SRPK2: variants seen among roughly 807,000 people sequenced by gnomAD.
SRPK2 encodes SFRS protein kinase 2.
A neutral mutation model predicts 90.8 loss-of-function variants in SRPK2; 21 were observed. That is an observed-to-expected ratio of 0.23 (90% CI 0.16 to 0.33). The LOEUF is 0.33. SRPK2 is among the 10% of genes least tolerant of loss of function. The pLI, the probability that SRPK2 is intolerant of heterozygous loss-of-function variation, is 1.00. For missense variants in SRPK2, 620 were observed against 869.0 expected (o/e 0.71, Z 3.60); for synonymous variants, 288 against 311.1 (o/e 0.93, Z 0.78).
chr7:105,137,490 C>T (rs1249602472), intron 11 of SRPK2, among the ~76,000 whole-genome samples: 2 of 151,368 alleles, frequency 1.3e-5, no homozygotes, highest in East Asian at 1.9e-4. Context: ...GCTGTGTTAA[C>T]AGTAGCCTAG....
chr7:105,256,418 C>T (rs6466048), intron 2 of SRPK2, among the ~76,000 whole-genome samples: 65,004 of 151,958 alleles, frequency 0.43, 15,423 homozygotes, highest in Non-Finnish European at 0.53. Flanking sequence ...TGCAATGGTG[C>T]GATCACAGCT....
At chr7:105,200,772 A>T (rs1795447433) in intron 3 of SRPK2, among the ~76,000 whole-genome samples, 1 of 152,212 alleles carries the variant, frequency 6.6e-6, no homozygotes, top group South Asian at 2.1e-4. Flanking sequence ...ACAATCTTCA[A>T]AAATGTCAAG....
At chr7:105,297,610 C>T (rs919706993) in intron 2 of SRPK2, 2 of 462,304 alleles carry the variant, frequency 4.3e-6, no homozygotes, top group South Asian at 9.0e-5. Flanking sequence ...AAAGGTCTTC[C>T]GAGATTATCA....
At chr7:105,244,896 C>T (rs900102496) in intron 2 of SRPK2, 8 of 1,453,780 alleles carry the variant, frequency 5.5e-6, no homozygotes, top group Admixed American at 5.2e-5. Context: ...GGCGCACATC[C>T]GCGCCAAGAG....
chr7:105,163,922 C>T (rs1419633652), intron 6 of SRPK2, among the ~76,000 whole-genome samples: 1 of 152,210 alleles, frequency 6.6e-6, no homozygotes, highest in Non-Finnish European at 1.5e-5. Flanking sequence ...CAATTGAAAA[C>T]TGAAGTTGAG....
At chr7:105,236,305 A>G (rs1026923903) in intron 2 of SRPK2, among the ~76,000 whole-genome samples, 2 of 152,242 alleles carry the variant, frequency 1.3e-5, no homozygotes, top group Non-Finnish European at 2.9e-5. Context: ...TATGGACAGT[A>G]GTGTTTTCAC....
intron 2 of SRPK2, among the ~76,000 whole-genome samples, chr7:105,345,513 GA>G (rs564270949): frequency 2.0e-5 from 3 of 151,354 alleles, no homozygotes; most frequent in East Asian, 1.9e-4. Flanking sequence ...CGCAAGAAAC[GA>G]AAAAAAATTC....
At chr7:105,213,149 A>G (rs925858252) in intron 2 of SRPK2, among the ~76,000 whole-genome samples, 1 of 152,130 alleles carries the variant, frequency 6.6e-6, no homozygotes, top group South Asian at 2.1e-4. Flanking sequence ...CTAGAAGTGG[A>G]TGTTTGACTC....
intron 2 of SRPK2, among the ~76,000 whole-genome samples, chr7:105,263,253 G>C (rs1804565612): frequency 6.6e-6 from 1 of 152,026 alleles, no homozygotes; most frequent in Non-Finnish European, 1.5e-5. Flanking sequence ...AACCTGGGAG[G>C]CAGAGGTTGC....
intron 2 of SRPK2, among the ~76,000 whole-genome samples, chr7:105,347,110 G>A (rs1301610346): frequency 6.6e-6 from 1 of 150,842 alleles, no homozygotes; most frequent in African/African-American, 2.4e-5. Context: ...CCAGGCTGAA[G>A]TGCAGTGGGC....
intron 2 of SRPK2, among the ~76,000 whole-genome samples, chr7:105,310,821 T>G (rs1413559383): frequency 6.6e-6 from 1 of 152,224 alleles, no homozygotes. Context: ...GTTTTTGGCA[T>G]ATCTATTATA....
intron 3 of SRPK2, among the ~76,000 whole-genome samples, chr7:105,180,254 A>C (rs1792596080): frequency 6.6e-6 from 1 of 152,186 alleles, no homozygotes; most frequent in South Asian, 2.1e-4. Flanking sequence ...CAGAGTAGAG[A>C]GCCCAAAAAT....
At chr7:105,229,459 G>A (rs1235039738) in intron 2 of SRPK2, among the ~76,000 whole-genome samples, 1 of 143,608 alleles carries the variant, frequency 7.0e-6, no homozygotes, top group Non-Finnish European at 1.5e-5. Context: ...GCAAGACTCC[G>A]TCTCAAAAAA....
At chr7:105,179,687 T>C (rs947980438) in intron 3 of SRPK2, among the ~76,000 whole-genome samples, 1 of 151,672 alleles carries the variant, frequency 6.6e-6, no homozygotes, top group African/African-American at 2.4e-5. Flanking sequence ...TAGCCGGGTG[T>C]GGTGGCGCAT....
chr7:105,159,463 A>AAAAAAAAAAAAAAAAAAAAAAAAAAC (rs1807153359), intron 7 of SRPK2, among the ~76,000 whole-genome samples: 1 of 146,522 alleles, frequency 6.8e-6, no homozygotes, highest in African/African-American at 2.6e-5. Context: ...AAAAAAAAAA[A>AAAAAAAAAAAAAAAAAAAAAAAAAAC]AAAAAAAAAA....
intron 2 of SRPK2, among the ~76,000 whole-genome samples, chr7:105,317,620 T>C (rs1171405640): frequency 6.6e-6 from 1 of 152,210 alleles, no homozygotes; most frequent in African/African-American, 2.4e-5. Flanking sequence ...ATTTTCTTCA[T>C]ATATTTCAAC....
Position 105,143,132 on chromosome 7 carries a change from T to A in SRPK2, c.1012A>T (p.Thr338Ser). 1 of 1,614,172 alleles carries A rather than the reference T, an allele frequency of 6.2e-7. No individual in the cohort carries two copies. Among genetic ancestry groups the A allele is most frequent in the South Asian group, 1.1e-5 (1 of 91,088 alleles). ...GEYCPEVKLKTTGLEEAAEAE... is the reference protein window; with the variant it reads ...GEYCPEVKLKSTGLEEAAEAE... ...TCAGCCGCCTCCTCTAATCCTGTTGTTTTTAGTTTCACCTCTGGGCAGTAT... is the reference window on the plus strand; with the variant it reads ...TCAGCCGCCTCCTCTAATCCTGTTGATTTTAGTTTCACCTCTGGGCAGTAT... The change falls in exon 10 of 16, where the codon ACA (threonine) becomes TCA (serine). Residue 338 changes from threonine to serine, a missense_variant. By Grantham distance (58) the Thr-to-Ser change is moderately conservative (BLOSUM62 1). Transcript: ENST00000393651.
intron 2 of SRPK2, among the ~76,000 whole-genome samples, chr7:105,224,934 A>T (rs1367461687): frequency 6.6e-6 from 1 of 152,242 alleles, no homozygotes; most frequent in African/African-American, 2.4e-5. Flanking sequence ...AAAACATAAA[A>T]AAGACGTTAA....
intron 7 of SRPK2, among the ~76,000 whole-genome samples, chr7:105,148,988 A>T (rs1805094431): frequency 6.6e-6 from 1 of 152,252 alleles, no homozygotes. Context: ...TCTGCCCTTG[A>T]AAGCTGGGTA....
Sources: gnomAD v4.1 joint callset for allele counts (sites outside exome capture counted in the v4.1 genomes callset) on GRCh38, gnomAD v4.1.1 for gene constraint, MANE v1.5 for transcripts, NCBI Gene and HGNC (gene_info 2026-07-23, HGNC 2026-07-21) for gene names.